CPNE5: variants seen among roughly 807,000 people sequenced by gnomAD.
The protein encoded by CPNE5 is copine-5.
A neutral mutation model predicts 81.1 loss-of-function variants in CPNE5; 42 were observed. The ratio of observed to expected loss-of-function variants is 0.52; its 90% CI spans 0.40 to 0.67. The LOEUF (loss-of-function observed/expected upper bound fraction) is 0.67. Ranked by LOEUF, CPNE5 falls within the 30% of genes least tolerant of loss-of-function variation. The probability of loss-of-function intolerance (pLI) is 0.00; values close to 1 mark genes in which losing one functional copy is unlikely to be tolerated. For missense variants in CPNE5, 612 were observed against 815.5 expected, an observed-to-expected ratio of 0.75 and a Z score of 3.04; for synonymous variants, 313 against 321.5, an observed-to-expected ratio of 0.97 and a Z score of 0.28.
chr6:36,788,675 T>C (rs371281344), intron 8 of CPNE5, among the ~76,000 whole-genome samples: 19 of 138,692 alleles, frequency 1.4e-4, no homozygotes, highest in East Asian at 1.4e-3. Flanking sequence ...GCAGTAACAA[T>C]CGTTTTACTG....
At chr6:36,791,609 C>T (rs1307334486) in intron 8 of CPNE5, among the ~76,000 whole-genome samples, 1 of 152,174 alleles carries the variant, frequency 6.6e-6, no homozygotes, top group African/African-American at 2.4e-5. Flanking sequence ...TGCAGGGTGT[C>T]ACCCTACTCC....
intron 12 of CPNE5, among the ~76,000 whole-genome samples, chr6:36,758,415 A>ATTTTTTTTTT (rs72371807): frequency 0.013 from 1,844 of 140,118 alleles, 56 homozygotes; most frequent in African/African-American, 0.046. Flanking sequence ...ATGTCTGGCT[A>ATTTTTTTTTT]TTTTTTTTTT....
chr6:36,746,510 C>T lies in CPNE5; in HGVS notation c.1086G>A (p.Ala362=), dbSNP rs781346096. 48 of 1,613,614 alleles carry T rather than the reference C, an allele frequency of 3.0e-5. No homozygotes were observed. The highest frequency in any genetic ancestry group is 1.5e-4 in the South Asian group (14 of 91,072). ...GGATGATCTCTCCGACGGCAGTCAG[C>T]GCCAGCGCGTAGGCGTTCAGCTGGT... ...SPYQLNAYAL[A]LTAVGEIIQH... The change falls in exon 16 of 21, where the codon GCG becomes GCA. Residue 362 remains alanine (A), a synonymous_variant. Coordinates refer to ENST00000244751, the MANE Select transcript of CPNE5 (RefSeq NM_020939.2). This position sits in a 1 kb window ranked among gnomAD's most constrained non-coding sequence, Gnocchi z 4.5.
At chr6:36,810,687 G>C (rs1391666055) in intron 3 of CPNE5, among the ~76,000 whole-genome samples, 1 of 152,204 alleles carries the variant, frequency 6.6e-6, no homozygotes, top group South Asian at 2.1e-4. Flanking sequence ...GTCACTGAAG[G>C]AGTCCAGAAT....
chr6:36,814,770 C>T (rs978779946), intron 3 of CPNE5, among the ~76,000 whole-genome samples: 4 of 152,152 alleles, frequency 2.6e-5, no homozygotes, highest in Non-Finnish European at 5.9e-5. Context: ...ATATGAAAAG[C>T]TTCAGTTTCC....
intron 9 of CPNE5, among the ~76,000 whole-genome samples, chr6:36,777,526 GC>G (rs1449121666): frequency 6.6e-6 from 1 of 152,054 alleles, no homozygotes; most frequent in African/African-American, 2.4e-5. Flanking sequence ...CTGTGTGGAC[GC>G]CCGGAACAAT....
At chr6:36,791,943 T>A in intron 8 of CPNE5, 90 bp downstream of exon 8, 1 of 1,144,214 alleles carries the variant, frequency 8.7e-7, no homozygotes, top group African/African-American at 1.5e-5. Context: ...CTGTCTACCC[T>A]CGGTTCCCTC....
At chr6:36,827,982 C>T (rs745591399) in intron 1 of CPNE5, among the ~76,000 whole-genome samples, 72 of 152,218 alleles carry the variant, frequency 4.7e-4, no homozygotes, top group Non-Finnish European at 7.5e-4. Context: ...GCCAAGAGCC[C>T]CTTTCCTCCC....
At chr6:36,821,801 G>A (rs1186782012) in intron 3 of CPNE5, among the ~76,000 whole-genome samples, 3 of 152,266 alleles carry the variant, frequency 2.0e-5, no homozygotes, top group South Asian at 4.1e-4. Context: ...CTGCACTCAC[G>A]CCTCCAGCCA....
At chr6:36,791,004 TC>T in intron 8 of CPNE5, among the ~76,000 whole-genome samples, 1 of 152,334 alleles carries the variant, frequency 6.6e-6, no homozygotes, top group South Asian at 2.1e-4. Context: ...AGCACTGACC[TC>T]CCAGGAAGGT....
intron 12 of CPNE5, among the ~76,000 whole-genome samples, chr6:36,758,604 T>A (rs144630975): frequency 6.4e-4 from 97 of 152,296 alleles, no homozygotes; most frequent in African/African-American, 2.2e-3. Flanking sequence ...CATAAGTCCA[T>A]GCGAGAGGTC....
intron 8 of CPNE5, among the ~76,000 whole-genome samples, chr6:36,786,513 T>A (rs1057330678): frequency 2.6e-5 from 4 of 152,196 alleles, no homozygotes; most frequent in Non-Finnish European, 5.9e-5. Context: ...AGACTGACCG[T>A]TTTCCCTCCC....
At chr6:36,806,022 C>T (rs889947134) in intron 3 of CPNE5, among the ~76,000 whole-genome samples, 2 of 152,160 alleles carry the variant, frequency 1.3e-5, no homozygotes, top group African/African-American at 4.8e-5. Flanking sequence ...CAGAGGGAAG[C>T]CCAGAGCAGG....
Position 36,763,004 on chromosome 6 carries a change from G to T in CPNE5, c.780-12C>A, listed in dbSNP as rs1467044532. On this transcript the variant is annotated splice_polypyrimidine_tract_variant and intron_variant, in intron 11 of 20. Transcript: ENST00000244751. ...CAATGAAGTCATGGCTGCAAGGGAAGACGGCTGCTGAGACCAAGGCCAGGC... is the reference window on the plus strand; with the variant it reads ...CAATGAAGTCATGGCTGCAAGGGAATACGGCTGCTGAGACCAAGGCCAGGC... The T allele has an allele frequency of 3.7e-6, 6 of 1,613,496 alleles. No individual in the cohort carries two copies. In the Admixed American group the frequency reaches 1.0e-4, roughly 27 times the overall value.
Position 36,787,037 on chromosome 6 carries a change from G to A in CPNE5, c.528+4996C>T, listed in dbSNP as rs572238093. ...TCAAACTAACCTTAAGAAGGGTGAT[G>A]TTTGAATGCTGGTTACACGGGATGC... On this transcript the variant is annotated intron_variant, in intron 8 of 20. Coordinates refer to ENST00000244751, the MANE Select transcript of CPNE5 (RefSeq NM_020939.2). Among the ~76,000 whole-genome samples, 19 of 152,244 alleles carry A rather than the reference G, an allele frequency of 1.2e-4. No individual in the cohort carries two copies. In the East Asian group the frequency reaches 3.5e-3, roughly 28 times the overall value.
rs184361951 is a variant in CPNE5 at position 36,831,218 on chromosome 6, C to G, written c.95+8065G>C. 5.5e-4 allele frequency among the ~76,000 whole-genome samples: 84 copies of G among 151,870 alleles called. 1 individual carries two copies. The highest frequency in any genetic ancestry group is 2.0e-3 in the African/African-American group (83 of 41,390). ...TACAGGCACATACCACCACACCCGG[C>G]TAATTTTTGTATTTTCAGTAGAGAT... On this transcript the variant is annotated intron_variant, in intron 1 of 20. Transcript: ENST00000244751.
intron 3 of CPNE5, among the ~76,000 whole-genome samples, chr6:36,813,598 A>G (rs1466593847): frequency 6.6e-6 from 1 of 152,214 alleles, no homozygotes; most frequent in Admixed American, 6.5e-5. Context: ...AACTCTTTAT[A>G]TGGCCTCTGA....
chr6:36,775,169 G>C, intron 9 of CPNE5, 104 bp from the exon 10 acceptor site: 1 of 801,576 alleles, frequency 1.2e-6, no homozygotes. Context: ...GTTCCTGGAC[G>C]ACGGAAATGA....
At chr6:36,838,319 G>T (rs1345001799) in intron 1 of CPNE5, among the ~76,000 whole-genome samples, 2 of 152,222 alleles carry the variant, frequency 1.3e-5, no homozygotes, top group East Asian at 3.9e-4. Context: ...GTGATCTGGG[G>T]CAGGGGGCAT....
Sources: gnomAD v4.1 joint callset for allele counts (sites outside exome capture counted in the v4.1 genomes callset) on GRCh38, gnomAD v4.1.1 for gene constraint, Gnocchi (gnomAD v3.1) non-coding constraint, MANE v1.5 for transcripts, NCBI Gene and HGNC (gene_info 2026-07-23, HGNC 2026-07-21) for gene names.